Variants in RER1 observed in about 807,000 individuals in gnomAD.
RER1 encodes retention in endoplasmic reticulum sorting receptor 1.
A neutral mutation model predicts 28.3 loss-of-function variants in RER1; 6 were observed. The ratio of observed to expected loss-of-function variants is 0.21; its 90% CI spans 0.12 to 0.42. The LOEUF is 0.42. RER1 is among the 10% of genes least tolerant of loss of function. RER1 has a pLI of 1.00. For missense variants in RER1, 159 were observed against 252.9 expected (o/e 0.63, Z 2.52); for synonymous variants, 110 against 95.9 (o/e 1.15, Z -0.86).
intron 3 of RER1, 127 bp from the exon 4 acceptor site, chr1:2,399,287 TA>T (rs1200833965): frequency 4.3e-6 from 3 of 704,016 alleles, no homozygotes; most frequent in Non-Finnish European, 7.8e-6. Context: ...TTGCTATGAG[TA>T]AGTTTTGTGT....
At chr1:2,393,242 G>C (rs1407288182) in intron 1 of RER1, 3 of 152,104 alleles carry the variant, frequency 2.0e-5, no homozygotes, top group Non-Finnish European at 2.9e-5. Context: ...GTAATTGATG[G>C]GCTGTCTACT....
chr1:2,399,412 C>A lies in RER1; in HGVS notation c.187-3C>A. 6.3e-7 allele frequency: 1 copy of A among 1,594,756 alleles called. No homozygotes were observed. On this transcript the variant is annotated splice_region_variant and splice_polypyrimidine_tract_variant and intron_variant, in intron 3 of 6. Coordinates refer to ENST00000605895, the MANE Select transcript of RER1 (RefSeq NM_007033.5). ...CCACTGACTCTCTTTCCTTCTCTTT[C>A]AGGGTTGGTACATTGTGACCTATGC...
chr1:2,405,353 G>T lies in RER1; in HGVS notation c.*2229G>T, dbSNP rs974456230. Reference sequence around the variant, plus strand: ...CTCCGTGCCCCACCCCACCCAGCACGCACTCATTCAGTCCATTGCCTTAAC... The same window carrying T: ...CTCCGTGCCCCACCCCACCCAGCACTCACTCATTCAGTCCATTGCCTTAAC... On this transcript the variant is annotated 3_prime_UTR_variant, in exon 7 of 7. Coordinates refer to ENST00000605895, the MANE Select transcript of RER1 (RefSeq NM_007033.5). 1.4e-5 allele frequency: 5 copies of T among 349,216 alleles called. No homozygotes were observed. Among genetic ancestry groups the T allele is most frequent in the Non-Finnish European group, 2.2e-5 (4 of 179,036 alleles). The allele number at this position is 349,216 out of a possible 1,614,324, so 21.6% of individuals were successfully genotyped here.
intron 3 of RER1, 87 bp from the exon 4 acceptor site, chr1:2,399,328 T>G: frequency 2.3e-6 from 2 of 866,036 alleles, no homozygotes; most frequent in East Asian, 4.8e-5. Flanking sequence ...TTAACAAAGT[T>G]GAGAGTGAAC....
rs773965925 is a variant in RER1 at position 2,402,190 on chromosome 1, T to C, written c.366-17T>C. The stretch of plus-strand genomic sequence containing the variant: ...CTGGCTGCAGATGCGGCGCTAACCT[T>C]CTCTCCCCACTTGAAGGCATGCGGC... On this transcript the variant is annotated splice_polypyrimidine_tract_variant and intron_variant, in intron 5 of 6. Coordinates refer to ENST00000605895, the MANE Select transcript of RER1 (RefSeq NM_007033.5). The C allele has an allele frequency of 1.2e-6, 2 of 1,614,102 alleles. No homozygotes were observed. Among genetic ancestry groups the C allele is most frequent in the South Asian group, 1.1e-5 (1 of 91,088 alleles).
At chr1:2,399,300 A>C in intron 3 of RER1, 115 bp from the exon 4 acceptor site, 1 of 743,452 alleles carries the variant, frequency 1.3e-6, no homozygotes, top group Non-Finnish European at 2.4e-6. Flanking sequence ...GTTTTGTGTT[A>C]AAACAAAGTT....
At chr1:2,396,642 C>T (rs923760718) in intron 2 of RER1, among the ~76,000 whole-genome samples, 15 of 152,200 alleles carry the variant, frequency 9.9e-5, no homozygotes, top group African/African-American at 1.4e-4. Flanking sequence ...GCCGCCTGGA[C>T]GCACACACAT....
intron 6 of RER1, among the ~76,000 whole-genome samples, chr1:2,402,645 C>G (rs528329748): frequency 6.6e-6 from 1 of 152,198 alleles, no homozygotes; most frequent in South Asian, 2.1e-4. Context: ...CCCAGTGCCC[C>G]GCGCCAGCCT....
At chr1:2,393,491 G>A (rs112696000) in intron 1 of RER1, among the ~76,000 whole-genome samples, 3 of 152,208 alleles carry the variant, frequency 2.0e-5, no homozygotes, top group African/African-American at 7.2e-5. Context: ...ACTGCAGAGG[G>A]GGCAGCTGGT....
At chr1:2,399,662 A>T in intron 4 of RER1, 148 bp downstream of exon 4, 1 of 629,942 alleles carries the variant, frequency 1.6e-6, no homozygotes, top group Non-Finnish European at 2.8e-6. Flanking sequence ...ATATGTTTGT[A>T]GAATGACTCT....
intron 2 of RER1, 75 bp downstream of exon 2, chr1:2,395,946 C>A (rs958199362): frequency 1.7e-6 from 2 of 1,167,070 alleles, no homozygotes; most frequent in East Asian, 2.3e-5. Context: ...CGGGAAGGAT[C>A]TGTTTGCTGG....
intron 3 of RER1, among the ~76,000 whole-genome samples, chr1:2,399,119 T>C (rs1455011770): frequency 1.3e-5 from 2 of 152,192 alleles, no homozygotes; most frequent in African/African-American, 4.8e-5. Flanking sequence ...GCTGCGCTCC[T>C]TGTGGGGCGT....
intron 3 of RER1, among the ~76,000 whole-genome samples, chr1:2,399,189 G>A (rs1202698127): frequency 6.6e-6 from 1 of 152,290 alleles, no homozygotes; most frequent in East Asian, 1.9e-4. Flanking sequence ...GCTCATTTGG[G>A]CCCTTGCTTG....
rs1642762402 is a variant in RER1, at chr1:2,395,961, C to T, written c.81+90C>T. 9 of 1,018,844 alleles carry T rather than the reference C, an allele frequency of 8.8e-6. No homozygotes were observed. The South Asian group carries it at 9.0e-5, about 10-fold the overall frequency. The allele number at this position is 1,018,844 out of a possible 1,614,324, so 63.1% of individuals were successfully genotyped here. A position where few individuals can be genotyped will look rare whatever the true frequency, so the allele number is the denominator to read the frequency against. Reference sequence around the variant, plus strand: ...CGGGAAGGATCTGTTTGCTGGTGTTCCTGATGGAGAAGTTACTTCGCCTCA... The same window carrying T: ...CGGGAAGGATCTGTTTGCTGGTGTTTCTGATGGAGAAGTTACTTCGCCTCA... On this transcript the variant is annotated intron_variant, in intron 2 of 6. Coordinates refer to ENST00000605895, the MANE Select transcript of RER1 (RefSeq NM_007033.5).
In RER1 at chr1:2,403,116, G is replaced by A. The variant is rs567205815; in HGVS notation, c.583G>A (p.Ala195Thr). The A allele has an allele frequency of 5.6e-6, 9 of 1,613,836 alleles. No homozygotes were observed. The highest frequency in any genetic ancestry group is 1.6e-4 in the Middle Eastern group (1 of 6,062). Residue 195 changes from alanine to threonine, a missense_variant, in exon 7 of 7, where the codon GCC (alanine) becomes ACC (threonine). Ala to Thr is a moderately conservative substitution (Grantham distance 58, BLOSUM62 0). Coordinates refer to ENST00000605895, the MANE Select transcript of RER1 (RefSeq NM_007033.5). Reference protein sequence around the residue: ...RGKEDAGKAFAS With the variant: ...RGKEDAGKAFTS The stretch of plus-strand genomic sequence containing the variant: ...CAAGGAGGATGCCGGCAAGGCCTTC[G>A]CCAGCTAGAAGCGGGACTGAGGCTG...
intron 5 of RER1, chr1:2,401,873 A>G: frequency 1.4e-6 from 1 of 692,402 alleles, no homozygotes; most frequent in Non-Finnish European, 2.4e-6. Context: ...GATGGTCCAC[A>G]AGACACAGCC....
At chr1:2,392,149 G>C (rs1427762127) in intron 1 of RER1, among the ~76,000 whole-genome samples, 191 bp downstream of exon 1, 1 of 151,098 alleles carries the variant, frequency 6.6e-6, no homozygotes, top group Non-Finnish European at 1.5e-5. Flanking sequence ...CCTCGGGGTC[G>C]GGCCCGGGAC....
chr1:2,396,205 C>T, intron 2 of RER1: 1 of 314,698 alleles, frequency 3.2e-6, no homozygotes, highest in East Asian at 7.3e-5. Flanking sequence ...TCCCAGCCAC[C>T]CACGTCCCCG....
intron 2 of RER1, chr1:2,396,370 G>A (rs1642768033): frequency 1.9e-5 from 3 of 156,224 alleles, no homozygotes; most frequent in South Asian, 1.9e-4. Context: ...GAAAAGCTTG[G>A]GTCACCGGCA....
Sources: gnomAD v4.1 joint callset for allele counts (sites outside exome capture counted in the v4.1 genomes callset) on GRCh38, gnomAD v4.1.1 for gene constraint, MANE v1.5 for transcripts, NCBI Gene and HGNC (gene_info 2026-07-23, HGNC 2026-07-21) for gene names.